MINDY4: variants seen among roughly 807,000 people sequenced by gnomAD.
MINDY4 encodes the protein probable ubiquitin carboxyl-terminal hydrolase MINDY-4.
Under a neutral mutation model 87.0 loss-of-function variants are expected in MINDY4, and 68 were observed. That is an observed-to-expected ratio of 0.78 (90% CI 0.64 to 0.96). The LOEUF (loss-of-function observed/expected upper bound fraction) is 0.96. Among genes scored for constraint, MINDY4 ranks in the 40% least tolerant of loss-of-function variants. MINDY4 has a pLI of 0.00. For missense variants in MINDY4, 919 were observed against 928.2 expected (o/e 0.99, Z 0.13); for synonymous variants, 379 against 363.2 (o/e 1.04, Z -0.50).
intron 5 of MINDY4, among the ~76,000 whole-genome samples, chr7:30,823,866 G>A (rs993749368): frequency 1.2e-4 from 18 of 152,250 alleles, no homozygotes; most frequent in East Asian, 1.9e-4. Flanking sequence ...AGGGAATCTT[G>A]TTTGAACTGG....
At chr7:30,818,334 T>C (rs542850147) in intron 5 of MINDY4, among the ~76,000 whole-genome samples, 5 of 152,346 alleles carry the variant, frequency 3.3e-5, no homozygotes, top group Admixed American at 2.6e-4. Flanking sequence ...TTTTTGTATT[T>C]TATGTTTACA....
intron 5 of MINDY4, among the ~76,000 whole-genome samples, chr7:30,819,964 G>C (rs1054038874): frequency 1.4e-5 from 2 of 145,584 alleles, no homozygotes; most frequent in Non-Finnish European, 3.0e-5. Flanking sequence ...TGCAGTGGCG[G>C]GATCTCGGCT....
chr7:30,890,227 C>T (rs1790757442), intron 17 of MINDY4, among the ~76,000 whole-genome samples: 1 of 152,238 alleles, frequency 6.6e-6, no homozygotes, highest in Non-Finnish European at 1.5e-5. Context: ...CAAGAAGGTA[C>T]AATTCAGCGT....
rs924300102 is a variant in MINDY4 at position 30,865,842 on chromosome 7, C to T, written c.1746-6401C>T. Reference sequence around the variant, plus strand: ...GGCTCCTGGCTCTCAATCGAAGACCCTGTGCCTGCATCGTCTTCCCTGGAC... The same window carrying T: ...GGCTCCTGGCTCTCAATCGAAGACCTTGTGCCTGCATCGTCTTCCCTGGAC... On this transcript the variant is annotated intron_variant, in intron 13 of 17. Coordinates refer to ENST00000265299, the MANE Select transcript of MINDY4 (RefSeq NM_032222.3). 2.6e-5 allele frequency among the ~76,000 whole-genome samples: 4 copies of T among 152,216 alleles called. No individual in the cohort carries two copies. In the South Asian group the frequency reaches 6.2e-4, roughly 24 times the overall value.
chr7:30,872,196 C>T (rs1452313068), intron 13 of MINDY4, 47 bp from the exon 14 acceptor site: 3 of 1,602,632 alleles, frequency 1.9e-6, no homozygotes, highest in East Asian at 4.5e-5. Flanking sequence ...AGGTTTGCAA[C>T]CTGGGTCAGG....
chr7:30,860,335 C>T lies in MINDY4; in HGVS notation c.1745+1011C>T, dbSNP rs945996873. On this transcript the variant is annotated intron_variant, in intron 13 of 17. Coordinates refer to ENST00000265299, the MANE Select transcript of MINDY4 (RefSeq NM_032222.3). ...GAGGACAGTGGGGGCTCTGTGGCCT[C>T]GTGCGCCAGGCTGCCTGCTGCTTGC... Among the ~76,000 whole-genome samples, 4 of 152,062 alleles carry T rather than the reference C, an allele frequency of 2.6e-5. No homozygotes were observed. In the South Asian group the frequency reaches 6.2e-4, roughly 24 times the overall value.
At chr7:30,865,735 T>G (rs998243447) in intron 13 of MINDY4, among the ~76,000 whole-genome samples, 1 of 152,224 alleles carries the variant, frequency 6.6e-6, no homozygotes, top group African/African-American at 2.4e-5. Flanking sequence ...GCCCACAGGC[T>G]GGAACCCTTT....
At chr7:30,832,630 C>T (rs1300411291) in intron 6 of MINDY4, among the ~76,000 whole-genome samples, 1 of 152,188 alleles carries the variant, frequency 6.6e-6, no homozygotes, top group Non-Finnish European at 1.5e-5. Flanking sequence ...AGGCCTCAGC[C>T]TCCTGAGTAA....
chr7:30,842,429 G>A (rs1274449903), intron 9 of MINDY4, among the ~76,000 whole-genome samples: 1 of 152,218 alleles, frequency 6.6e-6, no homozygotes, highest in Non-Finnish European at 1.5e-5. Context: ...TCCTGACTGG[G>A]TGGAACTTTG....
At chr7:30,853,750 C>T (rs958873696) in intron 12 of MINDY4, among the ~76,000 whole-genome samples, 1 of 152,208 alleles carries the variant, frequency 6.6e-6, no homozygotes, top group African/African-American at 2.4e-5. Flanking sequence ...GGTCAGGACA[C>T]AGGAAGCAGC....
intron 5 of MINDY4, among the ~76,000 whole-genome samples, chr7:30,812,339 C>T (rs1788029519): frequency 6.6e-6 from 1 of 151,570 alleles, no homozygotes; most frequent in Non-Finnish European, 1.5e-5. Flanking sequence ...CAATTTGTCA[C>T]TATAAGTGAA....
chr7:30,883,585 A>G (rs1211329907), intron 17 of MINDY4, among the ~76,000 whole-genome samples: 1 of 152,122 alleles, frequency 6.6e-6, no homozygotes, highest in Non-Finnish European at 1.5e-5. Context: ...GGGGAGGGGA[A>G]TGTTCAGTAA....
chr7:30,841,169 C>T (rs908409514), intron 9 of MINDY4, among the ~76,000 whole-genome samples: 11 of 152,164 alleles, frequency 7.2e-5, no homozygotes, highest in South Asian at 2.1e-4. Flanking sequence ...GTCGACCTGC[C>T]GACCTTTCGA....
intron 4 of MINDY4, chr7:30,786,227 G>T: frequency 1.9e-6 from 1 of 533,142 alleles, no homozygotes. Context: ...TTTGTGAGGT[G>T]GATGCCATGG....
chr7:30,839,362 A>G, intron 8 of MINDY4, 46 bp downstream of exon 8: 1 of 1,243,100 alleles, frequency 8.0e-7, no homozygotes, highest in Non-Finnish European at 1.1e-6. Flanking sequence ...CTGGGCCATC[A>G]TGCATAGGGG....
chr7:30,818,901 T>C (rs1008490339), intron 5 of MINDY4, among the ~76,000 whole-genome samples: 1 of 152,256 alleles, frequency 6.6e-6, no homozygotes, highest in Non-Finnish European at 1.5e-5. Flanking sequence ...GAAAAGCTCC[T>C]ATTGATAATG....
intron 15 of MINDY4, among the ~76,000 whole-genome samples, chr7:30,881,754 T>TGAACAA (rs1354992003): frequency 6.6e-6 from 1 of 152,224 alleles, no homozygotes; most frequent in Non-Finnish European, 1.5e-5. Flanking sequence ...AAGCAAGCTC[T>TGAACAA]AGGCTAGTGG....
rs369570807 is a variant in MINDY4 at position 30,861,295 on chromosome 7, G to A, written c.1745+1971G>A. Among the ~76,000 whole-genome samples the A allele has an allele frequency of 6.7e-4, 102 of 152,354 alleles. 2 individuals carry two copies. Among genetic ancestry groups the A allele is most frequent in the African/African-American group, 2.4e-3 (98 of 41,588 alleles). On this transcript the variant is annotated intron_variant, in intron 13 of 17. Coordinates refer to ENST00000265299, the MANE Select transcript of MINDY4 (RefSeq NM_032222.3). ...GGCAGGTCTCATTGCCAGCGGTAAG[G>A]ATAGCGTCTGTGAAGCTTCCCATGT...
At chr7:30,828,931 A>G (rs1037715032) in intron 6 of MINDY4, among the ~76,000 whole-genome samples, 194 bp downstream of exon 6, 3 of 151,682 alleles carry the variant, frequency 2.0e-5, no homozygotes, top group African/African-American at 7.3e-5. Context: ...TCTCCTGGGG[A>G]CATCCTAGTA....
Sources: allele counts gnomAD v4.1 joint callset (sites outside exome capture counted in the v4.1 genomes callset), GRCh38; gene constraint gnomAD v4.1.1; transcripts MANE v1.5; gene names NCBI Gene and HGNC (gene_info 2026-07-23, HGNC 2026-07-21).